CADM4: variants seen among roughly 807,000 people sequenced by gnomAD.
CADM4 encodes cell adhesion molecule 4.
In CADM4, 13 loss-of-function variants were observed where a neutral mutation model predicts 43.9. The ratio of observed to expected loss-of-function variants is 0.30; its 90% confidence interval spans 0.19 to 0.47. The LOEUF is 0.47. Among genes scored for constraint, CADM4 ranks in the 20% least tolerant of loss-of-function variants. The probability of loss-of-function intolerance (pLI) is 1.00; values close to 1 mark genes in which losing one functional copy is unlikely to be tolerated. For missense variants in CADM4, 420 were observed against 527.0 expected (o/e 0.80, Z 1.99); for synonymous variants, 209 against 220.9 (o/e 0.95, Z 0.48).
chr19:43,635,993 C>T (rs1161808199), intron 1 of CADM4, among the ~76,000 whole-genome samples: 1 of 147,986 alleles, frequency 6.8e-6, no homozygotes, highest in Non-Finnish European at 1.5e-5. Flanking sequence ...CCTTTAGACC[C>T]ATTAGTCCAG....
intron 1 of CADM4, 73 bp downstream of exon 1, chr19:43,639,654 G>A (rs1973747204): frequency 3.4e-6 from 3 of 894,238 alleles, no homozygotes; most frequent in South Asian, 4.9e-5. Context: ...CTGCGGCCCC[G>A]AGGCTGCCGG....
upstream of CADM4, among the ~76,000 whole-genome samples, chr19:43,640,853 C>G (rs1194716987): frequency 2.0e-5 from 3 of 152,266 alleles, no homozygotes; most frequent in East Asian, 5.8e-4. Flanking sequence ...GGGATCATTA[C>G]CTATGGGACC....
chr19:43,629,015 G>A (rs1973577037), intron 1 of CADM4, among the ~76,000 whole-genome samples: 1 of 152,226 alleles, frequency 6.6e-6, no homozygotes, highest in Non-Finnish European at 1.5e-5. Flanking sequence ...CTCCTAAGTT[G>A]TGGGTGATCT....
Position 43,627,265 on chromosome 19 carries a change from T to C in CADM4, c.265A>G (p.Ile89Val). The change falls in exon 3 of 9, where the codon ATC becomes GTC. Residue 89 changes from isoleucine (I) to valine (V), a missense_variant. By Grantham distance (29) the Ile-to-Val change is conservative (BLOSUM62 3). Coordinates refer to ENST00000222374, the MANE Select transcript of CADM4 (RefSeq NM_145296.2). The surrounding 1 kb of genome is among the most constrained non-coding windows in gnomAD (Gnocchi z 4.0). Reference protein sequence around the residue: ...LEEFSPRRVRIRLSDARLEDE... With the variant: ...LEEFSPRRVRVRLSDARLEDE... Reference sequence around the variant, plus strand: ...TCCAGGCGGGCATCTGAGAGCCGGATCCGCACCCGGCGTGGGGAGAACTCC... The same window carrying C: ...TCCAGGCGGGCATCTGAGAGCCGGACCCGCACCCGGCGTGGGGAGAACTCC... 1 of 1,612,344 alleles carries C rather than the reference T, an allele frequency of 6.2e-7. No homozygotes were observed. The highest frequency in any genetic ancestry group is 2.2e-5 in the East Asian group (1 of 44,818).
At position 43,627,463 on chromosome 19, in the gene CADM4, T is replaced by C; in HGVS notation, c.212-145A>G. ...CTGAGGTGTCCAACTATTTACTCCC[T>C]TGAGGACCCAGCATTATTCAAGTCC... On this transcript the variant is annotated intron_variant, in intron 2 of 8. Transcript: ENST00000222374. This position sits in a 1 kb window ranked among gnomAD's most constrained non-coding sequence, Gnocchi z 4.0. 4.1e-6 allele frequency: 5 copies of C among 1,222,960 alleles called. No individual in the cohort carries two copies. The South Asian group carries it at 8.0e-5, about 20-fold the overall frequency. The allele number at this position is 1,222,960 out of a possible 1,614,324, so 75.8% of individuals were successfully genotyped here.
chr19:43,637,692 G>A (rs1396715276), intron 1 of CADM4, among the ~76,000 whole-genome samples: 2 of 152,174 alleles, frequency 1.3e-5, no homozygotes, highest in Admixed American at 6.6e-5. Flanking sequence ...GCTTTTGCAC[G>A]GGGCGGGTGG....
At chr19:43,629,257 T>G (rs1294300407) in intron 1 of CADM4, among the ~76,000 whole-genome samples, 3 of 152,142 alleles carry the variant, frequency 2.0e-5, no homozygotes, top group Non-Finnish European at 4.4e-5. Flanking sequence ...AACCTGGGTC[T>G]CTAACTGACT....
In CADM4 at chr19:43,623,212, G is replaced by C. The variant is rs1973466424; in HGVS notation, c.*118C>G. 4.0e-6 allele frequency: 3 copies of C among 750,246 alleles called. No homozygotes were observed. The allele number at this position is 750,246 out of a possible 1,614,324, so 46.5% of individuals were successfully genotyped here. On this transcript the variant is annotated 3_prime_UTR_variant, in exon 9 of 9. Coordinates refer to ENST00000222374, the MANE Select transcript of CADM4 (RefSeq NM_145296.2). This position sits in a 1 kb window ranked among gnomAD's most constrained non-coding sequence, Gnocchi z 4.4. ...CTGCCCAAGCGTCTGAGGTGTTAGT[G>C]GTGGGGGGAGAAGCCCACCATCCCA...
At position 43,623,505 on chromosome 19, in the gene CADM4, T is replaced by C; in HGVS notation, c.1058-66A>G. ...TGTGGATCCAGGAGTTGGACAGAAG[T>C]ATAAGGGAAGAGGGAGACAGACAAG... is the stretch of plus-strand genomic sequence containing the variant. On this transcript the variant is annotated intron_variant, in intron 8 of 8. Coordinates refer to ENST00000222374, the MANE Select transcript of CADM4 (RefSeq NM_145296.2). The surrounding 1 kb of genome is among the most constrained non-coding windows in gnomAD (Gnocchi z 4.4). 1.0e-6 allele frequency: 1 copy of C among 995,724 alleles called. No individual in the cohort carries two copies. The highest frequency in any genetic ancestry group is 1.6e-6 in the Non-Finnish European group (1 of 619,408). The allele number at this position is 995,724 out of a possible 1,614,324, so 61.7% of individuals were successfully genotyped here.
At position 43,624,137 on chromosome 19, in the gene CADM4, A is replaced by T; in HGVS notation, c.1034T>A (p.Val345Asp). ...FLIICVLVGM[V>D]WCSVRQKGSY... ...ACCCTTCTGCCGTACCGAGCACCAG[A>T]CCATGCCCACTAGCACACATATGAT... is the stretch of plus-strand genomic sequence containing the variant. Residue 345 changes from valine to aspartate, a missense_variant, in exon 8 of 9, where the codon GTC becomes GAC. By Grantham distance (152) the Val-to-Asp change is radical (BLOSUM62 -3). Transcript: ENST00000222374. 6.2e-7 allele frequency: 1 copy of T among 1,614,152 alleles called. No individual in the cohort carries two copies. The highest frequency in any genetic ancestry group is 8.5e-7 in the Non-Finnish European group (1 of 1,180,020).
rs1377822645 is a variant in CADM4 at position 43,626,764 on chromosome 19, C to T, written c.499+20G>A. 6.4e-7 allele frequency: 1 copy of T among 1,550,760 alleles called. No homozygotes were observed. The highest frequency in any genetic ancestry group is 8.7e-7 in the Non-Finnish European group (1 of 1,145,568). ...GTCCCACCTCCTCCCCATCCCTTGT[C>T]AGCACTCGGCCCAGGGTACCTTTCA... On this transcript the variant is annotated intron_variant, in intron 4 of 8. Transcript: ENST00000222374. The surrounding 1 kb of genome is among the most constrained non-coding windows in gnomAD (Gnocchi z 5.9).
intron 1 of CADM4, among the ~76,000 whole-genome samples, chr19:43,633,666 C>CTTTCTTTCTCT (rs1973660234): frequency 6.7e-6 from 1 of 149,520 alleles, no homozygotes; most frequent in South Asian, 2.1e-4. Flanking sequence ...TTCTCTCTCT[C>CTTTCTTTCTCT]TTTCTTTCTC....
At chr19:43,636,480 C>G (rs1003406725) in intron 1 of CADM4, among the ~76,000 whole-genome samples, 9 of 152,152 alleles carry the variant, frequency 5.9e-5, no homozygotes, top group African/African-American at 1.9e-4. Context: ...TGGGTGCCCA[C>G]GGAGGAGCCT....
chr19:43,640,461 C>T (rs529315154), upstream of CADM4, among the ~76,000 whole-genome samples: 1 of 151,720 alleles, frequency 6.6e-6, no homozygotes, highest in South Asian at 2.1e-4. Flanking sequence ...AAGGATCTCC[C>T]AGGGCAGGGC....
intron 8 of CADM4, 94 bp downstream of exon 8, chr19:43,624,020 A>G: frequency 6.7e-7 from 1 of 1,495,612 alleles, no homozygotes; most frequent in Non-Finnish European, 9.1e-7. Context: ...TCCAGAGCCT[A>G]GGCTCCGCCC....
chr19:43,624,167 A>G lies in CADM4; in HGVS notation c.1004T>C (p.Phe335Ser). 6.2e-7 allele frequency: 1 copy of G among 1,614,176 alleles called. No individual in the cohort carries two copies. Among genetic ancestry groups the G allele is most frequent in the Non-Finnish European group, 8.5e-7 (1 of 1,180,024 alleles). Reference sequence around the variant, plus strand: ...GCCCACTAGCACACATATGATCAGAAACACCAGCAGCGCCAGGATGCCGCC... The same window carrying G: ...GCCCACTAGCACACATATGATCAGAGACACCAGCAGCGCCAGGATGCCGCC... ...IVGGILALLV[F>S]LIICVLVGMV... Residue 335 changes from phenylalanine to serine, a missense_variant, in exon 8 of 9, where the codon TTT (phenylalanine) becomes TCT (serine). Phe to Ser is a radical substitution (Grantham distance 155). Transcript: ENST00000222374.
chr19:43,623,363 G>A lies in CADM4; in HGVS notation c.1134C>T (p.Asp378=), dbSNP rs144737031. ...EAREAFLNGS[D]GHKRKEEFFI ...AGAATTCCTCTTTCCTCTTGTGTCC[G>A]TCGCTGCCATTGAGGAAGGCTTCTC... The change falls in exon 9 of 9, where the codon GAC becomes GAT. Residue 378 remains aspartate (D), a synonymous_variant. Coordinates refer to ENST00000222374, the MANE Select transcript of CADM4 (RefSeq NM_145296.2). The surrounding 1 kb of genome is among the most constrained non-coding windows in gnomAD (Gnocchi z 4.4). 1.6e-5 allele frequency: 26 copies of A among 1,613,980 alleles called. No individual in the cohort carries two copies. Among genetic ancestry groups the A allele is most frequent in the African/African-American group, 1.5e-4 (11 of 74,922 alleles).
rs1973752424 is a variant in CADM4 at position 43,639,830 on chromosome 19, G to C, written c.-40C>G. On this transcript the variant is annotated 5_prime_UTR_variant, in exon 1 of 9. Coordinates refer to ENST00000222374, the MANE Select transcript of CADM4 (RefSeq NM_145296.2). ...CGCCGCCGCCGCTCGCTCCCGGCCC[G>C]GCACCTGCACCGCCCGCGCCGCCCG... 3 of 988,574 alleles carry C rather than the reference G, an allele frequency of 3.0e-6. No individual in the cohort carries two copies. Among genetic ancestry groups the C allele is most frequent in the Non-Finnish European group, 3.6e-6 (3 of 835,938 alleles). 61.2% of individuals were successfully genotyped at this position (988,574 alleles called of 1,614,324 possible).
In CADM4 at chr19:43,623,172, C is replaced by T; in HGVS notation, c.*158G>A. 1 of 635,468 alleles carries T rather than the reference C, an allele frequency of 1.6e-6. No homozygotes were observed. The highest frequency in any genetic ancestry group is 2.8e-6 in the Non-Finnish European group (1 of 354,636). The allele number at this position is 635,468 out of a possible 1,614,324, so 39.4% of individuals were successfully genotyped here. ...CTGGCCCTTACAGAGATCCAGGCATCCAACACCCCCATCCCTGCCCAAGCG... is the reference window on the plus strand; with the variant it reads ...CTGGCCCTTACAGAGATCCAGGCATTCAACACCCCCATCCCTGCCCAAGCG... On this transcript the variant is annotated 3_prime_UTR_variant, in exon 9 of 9. Transcript: ENST00000222374. This position sits in a 1 kb window ranked among gnomAD's most constrained non-coding sequence, Gnocchi z 4.4.
Sources: allele counts gnomAD v4.1 joint callset (sites outside exome capture counted in the v4.1 genomes callset), GRCh38; gene constraint gnomAD v4.1.1; non-coding constraint Gnocchi (gnomAD v3.1); transcripts MANE v1.5; gene names NCBI Gene and HGNC (gene_info 2026-07-23, HGNC 2026-07-21).